Variants in SGCG observed in about 807,000 individuals in gnomAD.
The protein encoded by SGCG is sarcoglycan gamma.
SGCG carries 26 observed loss-of-function variants against 29.3 expected under a neutral mutation model. That is an observed-to-expected ratio of 0.89 (90% CI 0.65 to 1.23). The LOEUF (loss-of-function observed/expected upper bound fraction) is 1.23, where lower values mean the gene tolerates loss of function less well. SGCG is among the 50% of genes most tolerant of loss of function. The pLI, the probability that SGCG is intolerant of heterozygous loss-of-function variation, is 0.00. For synonymous variants in SGCG, 145 were observed against 129.7 expected, an observed-to-expected ratio of 1.12 and a Z score of -0.80; for missense variants, 353 against 356.0, an observed-to-expected ratio of 0.99 and a Z score of 0.07.
intron 6 of SGCG, among the ~76,000 whole-genome samples, chr13:23,299,423 TATATATATATATATATATATA>T (rs1566037329): frequency 1.2e-3 from 4 of 3,408 alleles, no homozygotes; most frequent in Non-Finnish European, 1.8e-3. Context: ...TATATATATA[TATATATATATATATATATATA>T]TATATATATA....
intron 2 of SGCG, among the ~76,000 whole-genome samples, chr13:23,229,132 A>G (rs1879012067): frequency 6.6e-6 from 1 of 152,192 alleles, no homozygotes; most frequent in Admixed American, 6.5e-5. Flanking sequence ...GGCCTCCCAA[A>G]GTGCTGGGAT....
intron 6 of SGCG, among the ~76,000 whole-genome samples, chr13:23,319,928 G>C (rs1449824980): frequency 6.6e-6 from 1 of 152,142 alleles, no homozygotes; most frequent in Non-Finnish European, 1.5e-5. Flanking sequence ...CACAAGGAAA[G>C]TCTGATAAAT....
intron 2 of SGCG, among the ~76,000 whole-genome samples, chr13:23,212,943 G>A (rs898376118): frequency 1.1e-4 from 16 of 152,082 alleles, no homozygotes; most frequent in African/African-American, 3.4e-4. Flanking sequence ...CCTTTGTAAT[G>A]TTTTTTGCTG....
intron 2 of SGCG, among the ~76,000 whole-genome samples, chr13:23,210,333 T>C (rs2137510728): frequency 6.6e-6 from 1 of 152,318 alleles, no homozygotes; most frequent in South Asian, 2.1e-4. Context: ...GTAGTATTTA[T>C]TGTGAAAAAA....
intron 1 of SGCG, among the ~76,000 whole-genome samples, chr13:23,197,926 A>T (rs1200537115): frequency 1.4e-5 from 2 of 147,300 alleles, no homozygotes; most frequent in African/African-American, 2.7e-5. Context: ...CACTAAAAGT[A>T]AAGAAACTTT....
upstream of SGCG, among the ~76,000 whole-genome samples, chr13:23,178,461 T>C (rs562548457): frequency 7.2e-5 from 11 of 152,238 alleles, no homozygotes; most frequent in South Asian, 2.3e-3. Context: ...AGACAATGCG[T>C]GTTGTATTGG....
chr13:23,274,372 T>G (rs886823924), intron 4 of SGCG, among the ~76,000 whole-genome samples: 13 of 140,032 alleles, frequency 9.3e-5, no homozygotes, highest in Admixed American at 2.9e-4. Context: ...AATGCAAGGG[T>G]GTGTTTTTCT....
chr13:23,223,997 A>T (rs1878792594), intron 2 of SGCG, among the ~76,000 whole-genome samples: 1 of 152,136 alleles, frequency 6.6e-6, no homozygotes, highest in South Asian at 2.1e-4. Context: ...ATTCAATCAA[A>T]GGTGTTGTGG....
Position 23,300,809 on chromosome 13 carries a change from T to TAAA in SGCG, c.578+5343_578+5345dup, listed in dbSNP as rs58050317. On this transcript the variant is annotated intron_variant, in intron 6 of 7. Transcript: ENST00000218867. ...CAATACCTGCTAATGACTAGTTTAC[T>TAAA]AAAAAAAAAAAAAAAAAAAAAAAGG... Among the ~76,000 whole-genome samples, 303 of 122,444 alleles carry TAAA rather than the reference T, an allele frequency of 2.5e-3. 2 individuals carry two copies. The highest frequency in any genetic ancestry group is 3.4e-3 in the Non-Finnish European group (207 of 61,612). The allele number at this position is 122,444 out of a possible 152,430, so 80.3% of individuals were successfully genotyped here.
At chr13:23,222,551 C>T (rs957730465) in intron 2 of SGCG, among the ~76,000 whole-genome samples, 2 of 152,078 alleles carry the variant, frequency 1.3e-5, no homozygotes, top group African/African-American at 2.4e-5. Flanking sequence ...CTTGGCCAGG[C>T]GCAGTGGCTC....
intron 1 of SGCG, among the ~76,000 whole-genome samples, chr13:23,193,485 A>T (rs1877362945): frequency 6.6e-6 from 1 of 151,864 alleles, no homozygotes; most frequent in Non-Finnish European, 1.5e-5. Context: ...TGTCCTCAGG[A>T]TGTGGCAGGC....
intron 2 of SGCG, among the ~76,000 whole-genome samples, chr13:23,229,652 T>G (rs925798691): frequency 3.3e-5 from 5 of 152,202 alleles, no homozygotes; most frequent in African/African-American, 1.2e-4. Flanking sequence ...TTCATTTGTA[T>G]GTTTAAGTTC....
chr13:23,229,174 A>G (rs7987359), intron 2 of SGCG, among the ~76,000 whole-genome samples: 23,461 of 152,170 alleles, frequency 0.15, 1,860 homozygotes, highest in East Asian at 0.29. Context: ...GTGAGCCACC[A>G]TGCCCAGCCT....
chr13:23,171,354 A>G, the SGCG span, among the ~76,000 whole-genome samples: 1 of 152,228 alleles, frequency 6.6e-6, no homozygotes, highest in East Asian at 1.9e-4. Context: ...ATTGAAGAAG[A>G]TAACTTACTT....
At chr13:23,264,049 T>C (rs1197997647) in intron 4 of SGCG, among the ~76,000 whole-genome samples, 1 of 152,078 alleles carries the variant, frequency 6.6e-6, no homozygotes, top group African/African-American at 2.4e-5. Context: ...TTTCACCACT[T>C]GTATTCAACA....
intron 4 of SGCG, among the ~76,000 whole-genome samples, chr13:23,265,295 G>A (rs1880593644): frequency 6.6e-6 from 1 of 152,080 alleles, no homozygotes; most frequent in African/African-American, 2.4e-5. Flanking sequence ...AGTAGGCAAA[G>A]GGGCCGGGCA....
intron 5 of SGCG, 152 bp from the exon 6 acceptor site, chr13:23,295,263 G>A: frequency 1.4e-6 from 1 of 707,420 alleles, no homozygotes; most frequent in Admixed American, 2.1e-5. Context: ...AAAGAGTTGG[G>A]CCTATTTTTC....
At chr13:23,263,241 CAAG>C (rs1880514171) in intron 4 of SGCG, among the ~76,000 whole-genome samples, 1 of 151,536 alleles carries the variant, frequency 6.6e-6, no homozygotes, top group Admixed American at 6.6e-5. Flanking sequence ...CTATATTAAT[CAAG>C]AAAAGAAGAG....
intron 2 of SGCG, among the ~76,000 whole-genome samples, chr13:23,212,962 G>C (rs1198151395): frequency 2.6e-5 from 4 of 152,220 alleles, no homozygotes; most frequent in Middle Eastern, 3.4e-3. Context: ...TGACAGTGTT[G>C]ATGTGATATA....
Sources: gnomAD v4.1 joint callset for allele counts (sites outside exome capture counted in the v4.1 genomes callset) on GRCh38, gnomAD v4.1.1 for gene constraint, MANE v1.5 for transcripts, NCBI Gene and HGNC (gene_info 2026-07-23, HGNC 2026-07-21) for gene names.